Variants in CHP1 observed in about 807,000 individuals in gnomAD.
CHP1 encodes calcineurin like EF-hand protein 1.
CHP1 carries 11 observed loss-of-function variants against 27.4 expected under a neutral mutation model. The observed-to-expected ratio is 0.40, with a 90% CI of 0.25 to 0.67. The LOEUF (loss-of-function observed/expected upper bound fraction) is 0.67. Among genes scored for constraint, CHP1 ranks in the 30% least tolerant of loss-of-function variants. The pLI is 0.38. For synonymous variants in CHP1, 89 were observed against 87.4 expected (o/e 1.02, Z -0.10); for missense variants, 169 against 251.3 (o/e 0.67, Z 2.22).
At chr15:41,270,024 A>T (rs2047480700) in intron 4 of CHP1, among the ~76,000 whole-genome samples, 1 of 152,198 alleles carries the variant, frequency 6.6e-6, no homozygotes, top group African/African-American at 2.4e-5. Flanking sequence ...TGATAAAGCC[A>T]GGAGACCATC....
chr15:41,271,642 C>T (rs1208919723), intron 5 of CHP1, among the ~76,000 whole-genome samples: 4 of 152,152 alleles, frequency 2.6e-5, no homozygotes, highest in Non-Finnish European at 5.9e-5. Flanking sequence ...CCTGAGCTAA[C>T]TGCCACTGTT....
chr15:41,247,295 G>C (rs1355257376), intron 2 of CHP1, among the ~76,000 whole-genome samples: 1 of 151,888 alleles, frequency 6.6e-6, no homozygotes. Context: ...CTTGAACCCG[G>C]GAGGCGGAGG....
At chr15:41,243,237 A>G (rs947324508) in intron 1 of CHP1, among the ~76,000 whole-genome samples, 1 of 152,118 alleles carries the variant, frequency 6.6e-6, no homozygotes, top group African/African-American at 2.4e-5. Flanking sequence ...GCTACTCGGG[A>G]GGCTGAGGCA....
intron 4 of CHP1, among the ~76,000 whole-genome samples, chr15:41,266,081 C>T (rs1283351276): frequency 6.6e-6 from 1 of 152,010 alleles, no homozygotes; most frequent in Non-Finnish European, 1.5e-5. Context: ...GTCAGGAGTT[C>T]GAGACCAGCC....
intron 2 of CHP1, among the ~76,000 whole-genome samples, chr15:41,247,001 C>T (rs1217199224): frequency 7.2e-6 from 1 of 138,486 alleles, no homozygotes; most frequent in African/African-American, 2.8e-5. Flanking sequence ...GGCTACAGAG[C>T]GAGACTCTGT....
intron 2 of CHP1, among the ~76,000 whole-genome samples, chr15:41,245,328 G>T (rs555788601): frequency 6.6e-6 from 1 of 150,604 alleles, no homozygotes; most frequent in Admixed American, 6.6e-5. Context: ...TGGCGTGGTG[G>T]TGGGCGCCTG....
At chr15:41,253,039 A>G (rs1181727572) in intron 2 of CHP1, among the ~76,000 whole-genome samples, 10 of 137,720 alleles carry the variant, frequency 7.3e-5, no homozygotes, top group African/African-American at 2.7e-4. Flanking sequence ...CCCAGGTTCA[A>G]GTGATTCTCC....
In CHP1 at chr15:41,263,259, C is replaced by T. The variant is rs191840637; in HGVS notation, c.349+376C>T. Reference sequence around the variant, plus strand: ...AATTCATTGAGCACCTACCGTGTGCCAGGCACTGTGTTAAGTGCTAGCATG... The same window carrying T: ...AATTCATTGAGCACCTACCGTGTGCTAGGCACTGTGTTAAGTGCTAGCATG... On this transcript the variant is annotated intron_variant, in intron 4 of 6. Transcript: ENST00000334660. Among the ~76,000 whole-genome samples, 329 of 152,290 alleles carry T rather than the reference C, an allele frequency of 2.2e-3. 1 individual carries two copies. Among genetic ancestry groups the T allele is most frequent in the Middle Eastern group, 6.8e-3 (2 of 294 alleles).
intron 5 of CHP1, among the ~76,000 whole-genome samples, chr15:41,272,972 G>A (rs1394273074): frequency 6.6e-6 from 1 of 151,918 alleles, no homozygotes; most frequent in African/African-American, 2.4e-5. Context: ...CAGGAGAATG[G>A]TGTGAACCTA....
chr15:41,231,483 C>G, intron 1 of CHP1, 34 bp downstream of exon 1: 1 of 1,577,708 alleles, frequency 6.3e-7, no homozygotes, highest in Non-Finnish European at 8.6e-7. Context: ...ACGCCGGGCG[C>G]CTCAGGCTGG....
chr15:41,241,357 A>G (rs2047306168), intron 1 of CHP1, among the ~76,000 whole-genome samples: 1 of 152,236 alleles, frequency 6.6e-6, no homozygotes, highest in South Asian at 2.1e-4. Context: ...GGATGTAAGC[A>G]TGATGCTGAT....
At chr15:41,261,201 CTGG>C (rs2047431444) in intron 3 of CHP1, among the ~76,000 whole-genome samples, 4 of 151,230 alleles carry the variant, frequency 2.6e-5, no homozygotes, top group Non-Finnish European at 5.9e-5. Flanking sequence ...GTCACCCAGG[CTGG>C]AGTGCAGTGG....
chr15:41,268,853 G>A (rs879313978), intron 4 of CHP1, among the ~76,000 whole-genome samples: 31 of 151,554 alleles, frequency 2.0e-4, no homozygotes, highest in African/African-American at 7.3e-4. Flanking sequence ...CCAGCTACTC[G>A]GGAGGCTGAG....
intron 2 of CHP1, among the ~76,000 whole-genome samples, chr15:41,248,838 G>A (rs1315255365): frequency 6.6e-6 from 1 of 152,184 alleles, no homozygotes; most frequent in Non-Finnish European, 1.5e-5. Context: ...GTGCCACATA[G>A]TAAACGAGTA....
intron 4 of CHP1, among the ~76,000 whole-genome samples, chr15:41,266,825 T>C (rs531159154): frequency 2.0e-5 from 3 of 151,744 alleles, no homozygotes; most frequent in South Asian, 2.1e-4. Context: ...TGTGGTGAAA[T>C]CCCATCTCTA....
intron 2 of CHP1, among the ~76,000 whole-genome samples, chr15:41,252,285 C>T (rs1414391787): frequency 6.6e-6 from 1 of 151,826 alleles, no homozygotes; most frequent in Admixed American, 6.6e-5. Flanking sequence ...TTCTCTGCCT[C>T]AGCCTCCCAA....
At chr15:41,277,606 G>C (rs540262406) in intron 5 of CHP1, among the ~76,000 whole-genome samples, 2 of 152,116 alleles carry the variant, frequency 1.3e-5, no homozygotes, top group African/African-American at 4.8e-5. Flanking sequence ...TGGCCAACAT[G>C]GCGAAACCCC....
chr15:41,248,728 A>G (rs999076702), intron 2 of CHP1, among the ~76,000 whole-genome samples: 2 of 152,284 alleles, frequency 1.3e-5, no homozygotes, highest in South Asian at 2.1e-4. Flanking sequence ...AGCCTGAGCA[A>G]CATAGTGAAA....
chr15:41,249,015 G>GC (rs1413406189), intron 2 of CHP1, among the ~76,000 whole-genome samples: 2 of 151,950 alleles, frequency 1.3e-5, no homozygotes, highest in African/African-American at 4.8e-5. Flanking sequence ...AAATGAGTTG[G>GC]CCTAACTGGG....
Sources: gnomAD v4.1 joint callset for allele counts (sites outside exome capture counted in the v4.1 genomes callset) on GRCh38, gnomAD v4.1.1 for gene constraint, MANE v1.5 for transcripts, NCBI Gene and HGNC (gene_info 2026-07-23, HGNC 2026-07-21) for gene names.